CSMD1: variants seen among roughly 807,000 people sequenced by gnomAD.
CSMD1 encodes the protein CUB and Sushi multiple domains 1.
Under a neutral mutation model 417.5 loss-of-function variants are expected in CSMD1, and 213 were observed. That is an observed-to-expected ratio of 0.51 (90% CI 0.46 to 0.57). The LOEUF is 0.57. Ranked by LOEUF, CSMD1 falls within the 20% of genes least tolerant of loss-of-function variation. The pLI is 0.00. For synonymous variants in CSMD1, 2,862 were observed against 1,736.8 expected, an observed-to-expected ratio of 1.65 and a Z score of -16.11; for missense variants, 6,923 against 4,529.7, an observed-to-expected ratio of 1.53 and a Z score of -15.17.
At chr8:3,607,488 C>T (rs891168111) in intron 8 of CSMD1, among the ~76,000 whole-genome samples, 1 of 152,152 alleles carries the variant, frequency 6.6e-6, no homozygotes, top group Admixed American at 6.5e-5. Flanking sequence ...TATGTGCTAG[C>T]CTTTTCTGTG....
rs557232298 is a variant in CSMD1, at chr8:4,013,861, G to A, written c.611-15751C>T. On this transcript the variant is annotated intron_variant, in intron 4 of 69. Coordinates refer to ENST00000635120, the MANE Select transcript of CSMD1 (RefSeq NM_033225.6). ...TGATCTACAGTGACAGACAAGGGTA[G>A]CTAAAACAGAGATCATATGACATGA... Among the ~76,000 whole-genome samples the A allele has an allele frequency of 8.4e-4, 128 of 152,258 alleles. 1 individual carries two copies. The highest frequency in any genetic ancestry group is 2.9e-3 in the African/African-American group (122 of 41,526).
chr8:3,410,243 A>G (rs1452958085), intron 12 of CSMD1, among the ~76,000 whole-genome samples: 1 of 152,244 alleles, frequency 6.6e-6, no homozygotes, highest in Non-Finnish European at 1.5e-5. Flanking sequence ...TTTCATTAAA[A>G]TATTTTATTT....
At chr8:3,348,260 C>G (rs1166985712) in intron 21 of CSMD1, 99 bp from the exon 22 acceptor site, 1 of 821,802 alleles carries the variant, frequency 1.2e-6, no homozygotes, top group East Asian at 2.7e-5. Flanking sequence ...CCTCTTCTAT[C>G]AACGTATGTG....
intron 2 of CSMD1, among the ~76,000 whole-genome samples, chr8:4,621,465 A>G (rs1447755408): frequency 6.6e-6 from 1 of 152,138 alleles, no homozygotes; most frequent in Non-Finnish European, 1.5e-5. Flanking sequence ...GATCAAGTGG[A>G]TATCTTGAAA....
In CSMD1 at chr8:4,994,412, G is replaced by C. The variant is rs184106214; in HGVS notation, c.5C>G (p.Thr2Ser). Residue 2 changes from threonine (T) to serine (S), a missense_variant, in exon 1 of 70, where the codon ACT (threonine) becomes AGT (serine). Physicochemically the swap from Thr to Ser is moderately conservative, Grantham distance 58. Transcript: ENST00000635120. MTAWRRFQSLLL... is the reference protein window; with the variant it reads MSAWRRFQSLLL... ...CAGCGACTGGAATCTCCTCCACGCA[G>C]TCATGTCTGCAGATACTCCACACGC... 4.3e-6 allele frequency: 7 copies of C among 1,611,754 alleles called. No homozygotes were observed. The African/African-American group carries it at 8.0e-5, about 18-fold the overall frequency.
rs186132235 is a variant in CSMD1 at position 4,190,564 on chromosome 8, G to T, written c.416-158465C>A. On this transcript the variant is annotated intron_variant, in intron 3 of 69. Coordinates refer to ENST00000635120, the MANE Select transcript of CSMD1 (RefSeq NM_033225.6). Reference sequence around the variant, plus strand: ...TAAGCTTTTTTTTTTTTAACTGAAAGAGACTCTGATGATCTATTCCCATGT... The same window carrying T: ...TAAGCTTTTTTTTTTTTAACTGAAATAGACTCTGATGATCTATTCCCATGT... 1.6e-3 allele frequency among the ~76,000 whole-genome samples: 242 copies of T among 147,912 alleles called. 8 individuals carry two copies. Among genetic ancestry groups the T allele is most frequent in the Non-Finnish European group, 5.9e-5 (4 of 67,400 alleles).
intron 5 of CSMD1, among the ~76,000 whole-genome samples, chr8:3,791,654 T>A (rs1019876904): frequency 2.0e-5 from 3 of 151,952 alleles, no homozygotes; most frequent in African/African-American, 7.3e-5. Flanking sequence ...CAAAAACCCA[T>A]CTCTAGAAAA....
At chr8:3,572,202 G>C (rs576715439) in intron 10 of CSMD1, among the ~76,000 whole-genome samples, 1 of 152,298 alleles carries the variant, frequency 6.6e-6, no homozygotes, top group South Asian at 2.1e-4. Context: ...AGGAAGGGCG[G>C]TGGGAGCCCC....
rs190313169 is a variant in CSMD1 at position 4,178,826 on chromosome 8, A to C, written c.416-146727T>G. Among the ~76,000 whole-genome samples the C allele has an allele frequency of 1.2e-3, 188 of 152,326 alleles. 1 individual carries two copies. Among genetic ancestry groups the C allele is most frequent in the South Asian group, 0.011 (52 of 4,822 alleles). On this transcript the variant is annotated intron_variant, in intron 3 of 69. Transcript: ENST00000635120. Reference sequence around the variant, plus strand: ...AAATCAGGAGTGAACTCCCATTCACAATTCCTTCAAAGAGAATAAAATACT... The same window carrying C: ...AAATCAGGAGTGAACTCCCATTCACCATTCCTTCAAAGAGAATAAAATACT...
At chr8:4,604,777 A>G (rs1800780569) in intron 2 of CSMD1, among the ~76,000 whole-genome samples, 1 of 152,222 alleles carries the variant, frequency 6.6e-6, no homozygotes, top group South Asian at 2.1e-4. Flanking sequence ...AAATTTGAAT[A>G]TAGATCTACT....
chr8:3,127,179 G>A (rs1339689800), intron 41 of CSMD1, among the ~76,000 whole-genome samples: 2 of 152,168 alleles, frequency 1.3e-5, no homozygotes, highest in Admixed American at 1.3e-4. Flanking sequence ...CCCTAGCGGG[G>A]ATGGGGATTG....
intron 5 of CSMD1, among the ~76,000 whole-genome samples, chr8:3,762,509 G>A (rs750876750): frequency 1.2e-4 from 19 of 152,220 alleles, no homozygotes; most frequent in Non-Finnish European, 2.2e-4. Context: ...GCTGAGGTAG[G>A]ATGTTTATAT....
chr8:3,535,960 A>G (rs13266649), intron 10 of CSMD1, among the ~76,000 whole-genome samples: 58,511 of 152,062 alleles, frequency 0.38, 13,338 homozygotes, highest in Middle Eastern at 0.54. Flanking sequence ...GGTTACAGTT[A>G]TATGACAGAG....
intron 5 of CSMD1, among the ~76,000 whole-genome samples, chr8:3,833,555 A>G (rs1170021531): frequency 6.6e-6 from 1 of 152,016 alleles, no homozygotes; most frequent in Non-Finnish European, 1.5e-5. Flanking sequence ...TTGTGTCCTA[A>G]GTGGTAATCA....
intron 12 of CSMD1, among the ~76,000 whole-genome samples, chr8:3,444,532 G>C (rs1396656543): frequency 2.0e-5 from 3 of 152,202 alleles, no homozygotes; most frequent in Middle Eastern, 3.4e-3. Context: ...GGCAATGTCT[G>C]GAGGCATTGG....
At chr8:4,680,782 G>A (rs1474349889) in intron 1 of CSMD1, among the ~76,000 whole-genome samples, 1 of 152,030 alleles carries the variant, frequency 6.6e-6, no homozygotes, top group Non-Finnish European at 1.5e-5. Context: ...GTTTCACCAT[G>A]TTGGCCAGGA....
chr8:4,232,303 A>G (rs1026946833), intron 3 of CSMD1, among the ~76,000 whole-genome samples: 3 of 151,964 alleles, frequency 2.0e-5, no homozygotes, highest in East Asian at 1.9e-4. Flanking sequence ...GGTTCAAGTA[A>G]TTCTCCTGTC....
chr8:3,217,521 C>T (rs886762647), intron 29 of CSMD1, among the ~76,000 whole-genome samples: 1 of 151,968 alleles, frequency 6.6e-6, no homozygotes, highest in East Asian at 1.9e-4. Context: ...GTTTACTTGC[C>T]TGCATGATTT....
intron 18 of CSMD1, among the ~76,000 whole-genome samples, chr8:3,382,447 A>T (rs1499689): frequency 0.48 from 66,679 of 140,026 alleles, 16,072 homozygotes; most frequent in Non-Finnish European, 0.49. Flanking sequence ...AACATATATA[A>T]TATAATATAT....
Sources: gnomAD v4.1 joint callset for allele counts (sites outside exome capture counted in the v4.1 genomes callset) on GRCh38, gnomAD v4.1.1 for gene constraint, MANE v1.5 for transcripts, NCBI Gene and HGNC (gene_info 2026-07-23, HGNC 2026-07-21) for gene names.